Variants in AGBL4 observed in about 807,000 individuals in gnomAD.
AGBL4 encodes cytosolic carboxypeptidase 6.
In AGBL4, 58 loss-of-function variants were observed where a neutral mutation model predicts 66.4. That is an observed-to-expected ratio of 0.87 (90% CI 0.71 to 1.09). The LOEUF (loss-of-function observed/expected upper bound fraction) is 1.09. Among genes scored for constraint, AGBL4 ranks in the 50% least tolerant of loss-of-function variants. AGBL4 has a pLI of 0.00. For synonymous variants in AGBL4, 234 were observed against 222.9 expected (o/e 1.05, Z -0.44); for missense variants, 579 against 631.0 (o/e 0.92, Z 0.88).
chr1:49,348,063 G>A (rs1274929891), intron 3 of AGBL4, among the ~76,000 whole-genome samples: 2 of 152,070 alleles, frequency 1.3e-5, no homozygotes, highest in Non-Finnish European at 2.9e-5. Context: ...GAGATCTTGA[G>A]GTTGGGACAT....
intron 3 of AGBL4, among the ~76,000 whole-genome samples, chr1:49,601,393 T>C (rs1178152679): frequency 6.6e-6 from 1 of 152,072 alleles, no homozygotes; most frequent in Non-Finnish European, 1.5e-5. Flanking sequence ...CTTCAATCTC[T>C]GATATCCTTT....
At chr1:49,862,344 T>G (rs1350282103) in intron 1 of AGBL4, among the ~76,000 whole-genome samples, 1 of 71,222 alleles carries the variant, frequency 1.4e-5, no homozygotes. Context: ...TGATAATACA[T>G]ATAGGAGACA....
At chr1:49,931,282 T>C (rs890307392) in intron 1 of AGBL4, among the ~76,000 whole-genome samples, 1 of 152,176 alleles carries the variant, frequency 6.6e-6, no homozygotes, top group Non-Finnish European at 1.5e-5. Context: ...ACTATATTCA[T>C]GAGTTGAAAG....
At chr1:49,443,265 T>A (rs914062029) in intron 3 of AGBL4, among the ~76,000 whole-genome samples, 1 of 152,146 alleles carries the variant, frequency 6.6e-6, no homozygotes, top group African/African-American at 2.4e-5. Context: ...AGAAGCTTTT[T>A]AATATAATTA....
chr1:49,160,460 C>G (rs764872606), intron 4 of AGBL4, among the ~76,000 whole-genome samples: 2 of 152,156 alleles, frequency 1.3e-5, no homozygotes, highest in African/African-American at 2.4e-5. Flanking sequence ...CCAGCTGGAG[C>G]TCTCCTGTAT....
chr1:48,879,217 A>C (rs1649518896), intron 5 of AGBL4, among the ~76,000 whole-genome samples: 2 of 152,002 alleles, frequency 1.3e-5, no homozygotes, highest in Non-Finnish European at 2.9e-5. Flanking sequence ...AAAAGACAAA[A>C]ATGTTATTTT....
intron 3 of AGBL4, among the ~76,000 whole-genome samples, chr1:49,514,274 C>T (rs1649555478): frequency 6.6e-6 from 1 of 151,922 alleles, no homozygotes; most frequent in African/African-American, 2.4e-5. Context: ...GGAGTGGTGA[C>T]AGAGGGCATC....
intron 5 of AGBL4, among the ~76,000 whole-genome samples, chr1:48,917,743 A>G (rs1653716695): frequency 6.6e-6 from 1 of 152,214 alleles, no homozygotes; most frequent in Admixed American, 6.5e-5. Context: ...GGGCTCAGAG[A>G]GGTGAAATGA....
intron 6 of AGBL4, among the ~76,000 whole-genome samples, chr1:48,664,139 C>G (rs1003653253): frequency 1.3e-5 from 2 of 152,106 alleles, no homozygotes; most frequent in Non-Finnish European, 2.9e-5. Flanking sequence ...GTATCCTGAG[C>G]AAAGCAAAGA....
At chr1:48,596,897 C>A (rs1645002577) in intron 9 of AGBL4, among the ~76,000 whole-genome samples, 1 of 152,116 alleles carries the variant, frequency 6.6e-6, no homozygotes. Flanking sequence ...CGTAAGAAAT[C>A]CAGACAGCCA....
At chr1:49,824,656 A>C (rs1463219461) in intron 2 of AGBL4, among the ~76,000 whole-genome samples, 1 of 152,244 alleles carries the variant, frequency 6.6e-6, no homozygotes, top group Admixed American at 6.5e-5. Context: ...AATAAGCCAG[A>C]GAAAGAAGGG....
At chr1:49,363,331 C>T (rs762914855) in intron 3 of AGBL4, among the ~76,000 whole-genome samples, 1 of 152,142 alleles carries the variant, frequency 6.6e-6, no homozygotes, top group Non-Finnish European at 1.5e-5. Flanking sequence ...CCCAAAAGTA[C>T]ACACGGTTGG....
chr1:49,893,043 G>T (rs1648810016), intron 1 of AGBL4, among the ~76,000 whole-genome samples: 1 of 152,132 alleles, frequency 6.6e-6, no homozygotes, highest in African/African-American at 2.4e-5. Flanking sequence ...TTAGAGGCAT[G>T]CCAGGGTTGT....
At position 49,213,135 on chromosome 1, in the gene AGBL4, A is replaced by G. The variant is rs374061312; in HGVS notation, c.377+32635T>C. Among the ~76,000 whole-genome samples the G allele has an allele frequency of 3.3e-4, 50 of 152,240 alleles. 1 individual carries two copies. In the South Asian group the frequency reaches 9.5e-3, roughly 29 times the overall value. ...TTCAATGGTGGAGAAGGGTAAATAG[A>G]TAAAACACAATATGACAATTACTAC... On this transcript the variant is annotated intron_variant, in intron 4 of 13. Coordinates refer to ENST00000371839, the MANE Select transcript of AGBL4 (RefSeq NM_032785.4).
intron 3 of AGBL4, among the ~76,000 whole-genome samples, chr1:49,278,287 G>A (rs930797541): frequency 6.6e-6 from 1 of 151,978 alleles, no homozygotes; most frequent in Non-Finnish European, 1.5e-5. Context: ...AGGTTAAAAG[G>A]AAATACTAAA....
intron 2 of AGBL4, among the ~76,000 whole-genome samples, chr1:49,782,974 C>T (rs1379651620): frequency 2.6e-5 from 4 of 151,778 alleles, no homozygotes; most frequent in African/African-American, 4.8e-5. Context: ...CAGACTAAGA[C>T]AGTGCCCTTA....
rs1570636885 is a variant in AGBL4 at position 49,404,985 on chromosome 1, G to A, written c.283-159121C>T. On this transcript the variant is annotated intron_variant, in intron 3 of 13. Transcript: ENST00000371839. ...ACAGGAGTTTTCTTCAAACCACTGT[G>A]TGACTGAATGCACTATTTATCTTTA... Among the ~76,000 whole-genome samples the A allele has an allele frequency of 2.6e-5, 4 of 152,328 alleles. No homozygotes were observed. The Middle Eastern group carries it at 0.014, about 518-fold the overall frequency.
At chr1:48,635,876 G>C (rs1645660531) in intron 8 of AGBL4, among the ~76,000 whole-genome samples, 3 of 152,194 alleles carry the variant, frequency 2.0e-5, no homozygotes, top group Non-Finnish European at 4.4e-5. Flanking sequence ...TCCTGACCTT[G>C]AACTTGCAAA....
intron 5 of AGBL4, among the ~76,000 whole-genome samples, chr1:48,993,140 A>G (rs1221432245): frequency 3.4e-4 from 52 of 152,108 alleles, no homozygotes; most frequent in Non-Finnish European, 7.4e-5. Flanking sequence ...GGCCTACAAC[A>G]TGTATGACCT....
Sources: gnomAD v4.1 joint callset for allele counts (sites outside exome capture counted in the v4.1 genomes callset) on GRCh38, gnomAD v4.1.1 for gene constraint, MANE v1.5 for transcripts, NCBI Gene and HGNC (gene_info 2026-07-23, HGNC 2026-07-21) for gene names.